The following MACROD2 variants were observed in gnomAD, a reference collection of about 807,000 sequenced individuals.
MACROD2 encodes the protein mono-ADP ribosylhydrolase 2.
In MACROD2, 36 loss-of-function variants were observed where a neutral mutation model predicts 70.4. That is an observed-to-expected ratio of 0.51 (90% CI 0.39 to 0.68). The LOEUF (loss-of-function observed/expected upper bound fraction) is 0.68. Ranked by LOEUF, MACROD2 falls within the 30% of genes least tolerant of loss-of-function variation. The pLI, the probability that MACROD2 is intolerant of heterozygous loss-of-function variation, is 0.00. For missense variants in MACROD2, 496 were observed against 538.4 expected (o/e 0.92, Z 0.78); for synonymous variants, 172 against 178.8 (o/e 0.96, Z 0.30).
chr20:14,729,899 C>T (rs907528981), intron 5 of MACROD2, among the ~76,000 whole-genome samples: 7 of 151,714 alleles, frequency 4.6e-5, no homozygotes, highest in African/African-American at 1.7e-4. Context: ...TAAGTATTTG[C>T]ATTACATTTA....
Position 14,937,445 on chromosome 20 carries a change from C to T in MACROD2, c.418+252486C>T, listed in dbSNP as rs148716444. Among the ~76,000 whole-genome samples the T allele has an allele frequency of 4.6e-4, 70 of 152,126 alleles. 1 individual carries two copies. The highest frequency in any genetic ancestry group is 1.5e-3 in the African/African-American group (64 of 41,508). ...AATATTCTTGTGAATAATGGAGAAT[C>T]AGTCATCTTTTACATTATCAAAACA... On this transcript the variant is annotated intron_variant, in intron 5 of 17. Coordinates refer to ENST00000684519, the MANE Select transcript of MACROD2 (RefSeq NM_001351661.2).
At chr20:15,086,646 G>T (rs979097374) in intron 5 of MACROD2, among the ~76,000 whole-genome samples, 1 of 152,110 alleles carries the variant, frequency 6.6e-6, no homozygotes, top group Non-Finnish European at 1.5e-5. Context: ...TTGCTGCTCT[G>T]AGTCTTTAAT....
intron 3 of MACROD2, among the ~76,000 whole-genome samples, chr20:14,373,186 A>G (rs1442178470): frequency 1.3e-5 from 2 of 152,072 alleles, no homozygotes; most frequent in South Asian, 2.1e-4. Context: ...GCTTTCTCAG[A>G]CTTTCCAAAC....
intron 5 of MACROD2, among the ~76,000 whole-genome samples, chr20:15,028,860 T>C (rs946583264): frequency 1.3e-5 from 2 of 152,148 alleles, no homozygotes; most frequent in African/African-American, 4.8e-5. Context: ...AGAGGCAGGG[T>C]ACTTAGGAGG....
At chr20:15,583,238 C>T (rs895529586) in intron 8 of MACROD2, among the ~76,000 whole-genome samples, 5 of 152,192 alleles carry the variant, frequency 3.3e-5, no homozygotes, top group African/African-American at 9.7e-5. Context: ...GTCTCTTTCC[C>T]TCTCAGTTAT....
At chr20:14,765,094 T>G (rs908680131) in intron 5 of MACROD2, among the ~76,000 whole-genome samples, 13 of 152,140 alleles carry the variant, frequency 8.5e-5, no homozygotes, top group Non-Finnish European at 1.5e-4. Flanking sequence ...CCTCTTTAAA[T>G]TTGAGAATAC....
At chr20:14,943,889 C>A (rs975708514) in intron 5 of MACROD2, among the ~76,000 whole-genome samples, 5 of 152,100 alleles carry the variant, frequency 3.3e-5, no homozygotes, top group African/African-American at 9.7e-5. Flanking sequence ...ATTCAAGTTG[C>A]TTTGATGATG....
At chr20:14,556,362 C>T (rs1979031403) in intron 4 of MACROD2, among the ~76,000 whole-genome samples, 5 of 152,006 alleles carry the variant, frequency 3.3e-5, no homozygotes, top group Admixed American at 3.3e-4. Context: ...GGAACTTGAA[C>T]TACAAAGCAG....
chr20:15,993,134 A>G (rs1480812400), intron 15 of MACROD2, among the ~76,000 whole-genome samples: 1 of 152,330 alleles, frequency 6.6e-6, no homozygotes, highest in East Asian at 1.9e-4. Flanking sequence ...TGGCTGTCAT[A>G]CAACTATAAA....
intron 15 of MACROD2, among the ~76,000 whole-genome samples, chr20:16,005,602 A>G (rs941895600): frequency 6.6e-6 from 1 of 152,252 alleles, no homozygotes; most frequent in African/African-American, 2.4e-5. Flanking sequence ...ACTTAGGAGC[A>G]TTTATTTCTC....
intron 5 of MACROD2, among the ~76,000 whole-genome samples, chr20:14,695,294 G>A (rs2071110642): frequency 6.6e-6 from 1 of 152,038 alleles, no homozygotes; most frequent in Admixed American, 6.6e-5. Flanking sequence ...TGCAATCTCT[G>A]CTTCTGTTTA....
chr20:14,072,980 A>G (rs979903366), intron 2 of MACROD2, among the ~76,000 whole-genome samples: 3 of 151,988 alleles, frequency 2.0e-5, no homozygotes, highest in African/African-American at 7.2e-5. Context: ...CTATACAAAT[A>G]TTAAGAACAT....
chr20:15,566,999 TC>T (rs1438603000), intron 8 of MACROD2, among the ~76,000 whole-genome samples: 10 of 152,048 alleles, frequency 6.6e-5, no homozygotes, highest in African/African-American at 2.4e-4. Context: ...AAAAGCCAGA[TC>T]TTTTTTTTAA....
At chr20:15,487,629 G>C (rs909930881) in intron 7 of MACROD2, among the ~76,000 whole-genome samples, 1 of 152,128 alleles carries the variant, frequency 6.6e-6, no homozygotes, top group African/African-American at 2.4e-5. Context: ...CGTGCTACCA[G>C]CGGATGAAGT....
At chr20:15,973,565 TAAC>T (rs2066262755) in intron 13 of MACROD2, among the ~76,000 whole-genome samples, 1 of 152,108 alleles carries the variant, frequency 6.6e-6, no homozygotes, top group Non-Finnish European at 1.5e-5. Flanking sequence ...ATGCAAATAA[TAAC>T]AATAACTAGC....
intron 4 of MACROD2, among the ~76,000 whole-genome samples, chr20:14,517,950 A>G (rs1337823027): frequency 6.6e-6 from 1 of 152,066 alleles, no homozygotes; most frequent in East Asian, 1.9e-4. Context: ...TTTGGTGAAA[A>G]AAGTACTGTC....
At chr20:15,799,777 T>C (rs777891059) in intron 8 of MACROD2, among the ~76,000 whole-genome samples, 56 of 152,230 alleles carry the variant, frequency 3.7e-4, no homozygotes, top group Admixed American at 6.5e-4. Flanking sequence ...CTTTAAAATA[T>C]TTGATTTCCT....
intron 9 of MACROD2, 122 bp from the exon 10 acceptor site, chr20:15,885,642 C>G: frequency 1.1e-6 from 1 of 878,644 alleles, no homozygotes; most frequent in Non-Finnish European, 1.6e-6. Context: ...CATGTTTTAA[C>G]AGTCTGTTTT....
intron 2 of MACROD2, among the ~76,000 whole-genome samples, chr20:14,026,659 T>G (rs889833333): frequency 1.3e-5 from 2 of 152,200 alleles, no homozygotes; most frequent in Admixed American, 1.3e-4. Flanking sequence ...TTTAAGAACG[T>G]TGAATATTGG....
Sources: allele counts gnomAD v4.1 joint callset (sites outside exome capture counted in the v4.1 genomes callset), GRCh38; gene constraint gnomAD v4.1.1; transcripts MANE v1.5; gene names NCBI Gene and HGNC (gene_info 2026-07-23, HGNC 2026-07-21).